The following USP7 variants were observed in gnomAD, a reference collection of about 807,000 sequenced individuals.
The protein encoded by USP7 is ubiquitin C-terminal hydrolase 7.
A neutral mutation model predicts 162.9 loss-of-function variants in USP7; 9 were observed. The ratio of observed to expected loss-of-function variants is 0.06; its 90% CI spans 0.03 to 0.10. The LOEUF (loss-of-function observed/expected upper bound fraction) is 0.10. Among genes scored for constraint, USP7 ranks in the 10% least tolerant of loss-of-function variants. The pLI, the probability that USP7 is intolerant of heterozygous loss-of-function variation, is 1.00. For missense variants in USP7, 715 were observed against 1,373.7 expected (o/e 0.52, Z 7.58); for synonymous variants, 562 against 475.9 (o/e 1.18, Z -2.35).
chr16:8,893,831 C>T lies in USP7; in HGVS notation c.*167G>A. 1.6e-6 allele frequency: 1 copy of T among 616,512 alleles called. No homozygotes were observed. Among genetic ancestry groups the T allele is most frequent in the Non-Finnish European group, 2.9e-6 (1 of 344,996 alleles). The allele number at this position is 616,512 out of a possible 1,614,324, so 38.2% of individuals were successfully genotyped here. A position where few individuals can be genotyped will look rare whatever the true frequency, so the allele number is the denominator to read the frequency against. ...CTTCATTTTGCTCAAAAAGGGCAGT[C>T]AATAGATACAGAGAAGCCAAACTGA... On this transcript the variant is annotated 3_prime_UTR_variant, in exon 31 of 31. Transcript: ENST00000344836.
chr16:8,897,759 C>T (rs1321190984), intron 25 of USP7, among the ~76,000 whole-genome samples: 7 of 92,688 alleles, frequency 7.6e-5, no homozygotes, highest in Admixed American at 2.8e-4. Context: ...ATGAGTTGGG[C>T]GTGGTGACAT....
Position 8,899,446 on chromosome 16 carries a change from C to T in USP7, c.2463+158G>A, listed in dbSNP as rs1038056614. The T allele has an allele frequency of 6.0e-6, 6 of 1,002,720 alleles. No individual in the cohort carries two copies. In the African/African-American group the frequency reaches 9.8e-5, roughly 16 times the overall value. 62.1% of individuals were successfully genotyped at this position (1,002,720 alleles called of 1,614,324 possible). On this transcript the variant is annotated intron_variant, in intron 22 of 30. Transcript: ENST00000344836. ...TTTTCTGATGGCGATTATTCTAGCT[C>T]CCAAGGCAGAGAGCCTGAATCCATC...
chr16:8,928,726 T>A (rs955114870), intron 2 of USP7, among the ~76,000 whole-genome samples: 27 of 152,326 alleles, frequency 1.8e-4, no homozygotes, highest in African/African-American at 6.5e-4. Context: ...TCTCGGATTA[T>A]ACGCTTTTTC....
chr16:8,899,862 T>A, intron 21 of USP7, 105 bp from the exon 22 acceptor site: 1 of 1,356,788 alleles, frequency 7.4e-7, no homozygotes, highest in South Asian at 1.2e-5. Context: ...ACAGGCTCTC[T>A]TGCAAGATAA....
chr16:8,912,810 A>G (rs1428605027), intron 10 of USP7, among the ~76,000 whole-genome samples: 1 of 152,076 alleles, frequency 6.6e-6, no homozygotes, highest in Non-Finnish European at 1.5e-5. Flanking sequence ...AGAGATAAAG[A>G]TTTTCATTTA....
chr16:8,959,343 C>T (rs1250663859), intron 1 of USP7, among the ~76,000 whole-genome samples: 1 of 130,996 alleles, frequency 7.6e-6, no homozygotes. Context: ...TCTCCTTTTC[C>T]AAAACACTAA....
At chr16:8,934,461 G>A (rs539073890) in intron 1 of USP7, among the ~76,000 whole-genome samples, 2 of 152,376 alleles carry the variant, frequency 1.3e-5, no homozygotes, top group East Asian at 3.9e-4. Context: ...ACATCTTACA[G>A]GATGGGGTGG....
chr16:8,948,570 T>C (rs1899397996), intron 1 of USP7, among the ~76,000 whole-genome samples: 2 of 152,174 alleles, frequency 1.3e-5, no homozygotes, highest in African/African-American at 4.8e-5. Context: ...CTAAAGCCTA[T>C]TACAGATGAC....
At chr16:8,940,295 C>A (rs1265142721) in intron 1 of USP7, among the ~76,000 whole-genome samples, 1 of 152,220 alleles carries the variant, frequency 6.6e-6, no homozygotes, top group Non-Finnish European at 1.5e-5. Context: ...CATGCTTTGT[C>A]CAATGGCAAA....
intron 1 of USP7, among the ~76,000 whole-genome samples, chr16:8,960,506 C>A (rs988781135): frequency 6.6e-6 from 1 of 152,220 alleles, no homozygotes; most frequent in Non-Finnish European, 1.5e-5. Flanking sequence ...ACGAAACAGT[C>A]TCCCAGGCTC....
chr16:8,915,015 G>T (rs181446672), intron 10 of USP7, among the ~76,000 whole-genome samples: 1 of 152,222 alleles, frequency 6.6e-6, no homozygotes, highest in Admixed American at 6.5e-5. Flanking sequence ...AGAAGTCCAC[G>T]TGGTGGTTTC....
In USP7 at chr16:8,920,280, C is replaced by T. The variant is rs1897615954; in HGVS notation, c.611+79G>A. 2.5e-6 allele frequency: 3 copies of T among 1,224,228 alleles called. No individual in the cohort carries two copies. In the South Asian group the frequency reaches 4.1e-5, roughly 17 times the overall value. The allele number at this position is 1,224,228 out of a possible 1,614,324, so 75.8% of individuals were successfully genotyped here. On this transcript the variant is annotated intron_variant, in intron 5 of 30. Transcript: ENST00000344836. ...GCTTACTGATTAAATATGTGCATCT[C>T]TATTACATGCACGCTAAAGCTTCTT...
At chr16:8,913,069 TG>T (rs2061973805) in intron 10 of USP7, among the ~76,000 whole-genome samples, 1 of 151,820 alleles carries the variant, frequency 6.6e-6, no homozygotes, top group South Asian at 2.1e-4. Flanking sequence ...TAAAAGCACA[TG>T]GGGGGCTGGG....
At position 8,901,007 on chromosome 16, in the gene USP7, T is replaced by C; in HGVS notation, c.2191A>G (p.Ser731Gly). The part of the protein sequence containing the change: ...CDRAGFIQDT[S>G]LILYEEVKPN... ...ATCCAAACCTCATAGAGGATAAGGC[T>C]AGTATCTTGAATAAATCCTGCTCTG... Residue 731 changes from serine (S) to glycine (G), a missense_variant, in exon 20 of 31, where the codon AGC becomes GGC. This residue lies in a region of USP7 where 197 missense variants were observed against 306.5 expected (regional missense o/e 0.64). Transcript: ENST00000344836. 6.2e-7 allele frequency: 1 copy of C among 1,614,100 alleles called. No individual in the cohort carries two copies.
chr16:8,896,156 T>A (rs1417486130), intron 26 of USP7, among the ~76,000 whole-genome samples: 1 of 151,352 alleles, frequency 6.6e-6, no homozygotes, highest in African/African-American at 2.4e-5. Flanking sequence ...TTTTTTTTTT[T>A]TTTAAAGAGG....
intron 16 of USP7, 124 bp downstream of exon 16, chr16:8,903,144 T>C (rs112668046): frequency 1.5e-6 from 2 of 1,301,924 alleles, no homozygotes; most frequent in South Asian, 1.6e-5. Context: ...GTCACACTCC[T>C]CACTGTTAGG....
In USP7 at chr16:8,910,833, A is replaced by AAG. The variant is rs751982165; in HGVS notation, c.1079-8_1079-7dup. The AAG allele has an allele frequency of 1.7e-5, 27 of 1,611,966 alleles. No homozygotes were observed. The highest frequency in any genetic ancestry group is 2.7e-5 in the African/African-American group (2 of 75,002). On this transcript the variant is annotated splice_polypyrimidine_tract_variant and splice_region_variant and intron_variant, in intron 10 of 30. Transcript: ENST00000344836. ...ATCCACAAATGATTCAAATACTTTA[A>AAG]AGAGAGAGAGAGAAAAGTCAAGTGC...
At chr16:8,900,832 A>AG in intron 20 of USP7, 158 bp downstream of exon 20, 1 of 834,670 alleles carries the variant, frequency 1.2e-6, no homozygotes. Context: ...TAAAAAAAAA[A>AG]AATTCACAAA....
chr16:8,919,607 T>A (rs2126999), intron 5 of USP7, among the ~76,000 whole-genome samples: 1 of 152,056 alleles, frequency 6.6e-6, no homozygotes, highest in Non-Finnish European at 1.5e-5. Context: ...CAGAGCTTTT[T>A]TTATTTTGTG....
Sources: gnomAD v4.1 joint callset for allele counts (sites outside exome capture counted in the v4.1 genomes callset) on GRCh38, gnomAD v4.1.1 for gene constraint, gnomAD v4.1.1 regional missense constraint, MANE v1.5 for transcripts, NCBI Gene and HGNC (gene_info 2026-07-23, HGNC 2026-07-21) for gene names.